Variants in RAB20 observed in about 807,000 individuals in gnomAD.
The protein encoded by RAB20 is RAB20, member RAS oncogene family.
A neutral mutation model predicts 3.7 loss-of-function variants in RAB20; 2 were observed. That is an observed-to-expected ratio of 0.54 (90% CI 0.22 to 1.69). RAB20 has a LOEUF of 1.69. RAB20 is among the 40% of genes most tolerant of loss of function. The pLI is 0.19. For missense variants in RAB20, 276 were observed against 311.9 expected (o/e 0.88, Z 0.87); for synonymous variants, 126 against 130.8 (o/e 0.96, Z 0.25).
At chr13:110,525,857 G>A (rs768389568) in intron 1 of RAB20, among the ~76,000 whole-genome samples, 31 of 152,242 alleles carry the variant, frequency 2.0e-4, no homozygotes, top group Non-Finnish European at 4.3e-4. Flanking sequence ...CTCGAGGACC[G>A]AGCAGGCTGT....
chr13:110,540,696 C>A (rs1481718822), intron 1 of RAB20, among the ~76,000 whole-genome samples: 1 of 150,348 alleles, frequency 6.7e-6, no homozygotes, highest in African/African-American at 2.5e-5. Context: ...GAGCTGCGAT[C>A]GCGCCATTGC....
rs545854094 is a variant in RAB20 at position 110,558,293 on chromosome 13, G to T, written c.172+3055C>A. ...TAGACAAGGGCTGGGAGTGGCAAGT[G>T]CCCCCTAAAAGGGCATAATGAGACA... is the stretch of plus-strand genomic sequence containing the variant. On this transcript the variant is annotated intron_variant, in intron 1 of 1. Transcript: ENST00000267328. Among the ~76,000 whole-genome samples the T allele has an allele frequency of 3.9e-5, 6 of 151,908 alleles. No individual in the cohort carries two copies. In the East Asian group the frequency reaches 5.8e-4, roughly 15 times the overall value.
intron 1 of RAB20, among the ~76,000 whole-genome samples, chr13:110,558,694 G>GTTTTTTTTTTT (rs67548367): frequency 2.0e-5 from 1 of 50,892 alleles, no homozygotes; most frequent in African/African-American, 6.3e-5. Flanking sequence ...CTTCCCATCT[G>GTTTTTTTTTTT]TTTTTTTTTT....
intron 1 of RAB20, among the ~76,000 whole-genome samples, chr13:110,535,839 T>C (rs1884630698): frequency 6.6e-6 from 1 of 152,208 alleles, no homozygotes; most frequent in African/African-American, 2.4e-5. Flanking sequence ...TTCATTTCTC[T>C]CCTTGAAGGT....
At chr13:110,532,849 C>A (rs1884568482) in intron 1 of RAB20, among the ~76,000 whole-genome samples, 1 of 152,062 alleles carries the variant, frequency 6.6e-6, no homozygotes, top group African/African-American at 2.4e-5. Context: ...CAGCTAATTT[C>A]TTTTATGTTT....
intron 1 of RAB20, among the ~76,000 whole-genome samples, chr13:110,540,247 A>G (rs1313888519): frequency 6.6e-6 from 1 of 152,248 alleles, no homozygotes; most frequent in Non-Finnish European, 1.5e-5. Context: ...ATGTAATCCA[A>G]TCTCCTTTAC....
In RAB20 at chr13:110,524,148, G is replaced by A. The variant is rs748971959; in HGVS notation, c.222C>T (p.Ala74=). Residue 74 remains alanine, a synonymous_variant, in exon 2 of 2, where the codon GCC becomes GCT. Coordinates refer to ENST00000267328, the MANE Select transcript of RAB20 (RefSeq NM_017817.3). ...TCACATCATAGGTGAGGATGATGGC[G>A]GCCGCCCCCCGGCAGTACATGGAGC... The part of the protein sequence containing the change: ...GLGSMYCRGA[A]AIILTYDVNH... 30 of 1,607,770 alleles carry A rather than the reference G, an allele frequency of 1.9e-5. No homozygotes were observed. The highest frequency in any genetic ancestry group is 1.7e-4 in the Middle Eastern group (1 of 6,050).
intron 1 of RAB20, among the ~76,000 whole-genome samples, chr13:110,554,878 A>G (rs1023431981): frequency 6.6e-5 from 10 of 152,122 alleles, no homozygotes; most frequent in African/African-American, 2.4e-4. Context: ...TCGGCTTGGG[A>G]GGGAGGGACC....
chr13:110,540,754 A>T (rs1239070245), intron 1 of RAB20, among the ~76,000 whole-genome samples: 1 of 151,010 alleles, frequency 6.6e-6, no homozygotes, highest in African/African-American at 2.4e-5. Flanking sequence ...AAAAAAAAAA[A>T]AAAGTTAAAA....
chr13:110,549,213 G>C (rs915937179), intron 1 of RAB20, among the ~76,000 whole-genome samples: 1 of 152,244 alleles, frequency 6.6e-6, no homozygotes. Flanking sequence ...TTTGCTTGGA[G>C]CTACAAGCTT....
chr13:110,523,655 C>A lies in RAB20; in HGVS notation c.*10G>T. ...ACATGCACAGTCTGAGTCCAGGAGG[C>A]CCTCGAAAGTCAGGCACAACACCCA... On this transcript the variant is annotated 3_prime_UTR_variant, in exon 2 of 2. Coordinates refer to ENST00000267328, the MANE Select transcript of RAB20 (RefSeq NM_017817.3). 1.2e-6 allele frequency: 2 copies of A among 1,610,158 alleles called. No individual in the cohort carries two copies. Among genetic ancestry groups the A allele is most frequent in the South Asian group, 1.1e-5 (1 of 90,818 alleles).
intron 1 of RAB20, 88 bp from the exon 2 acceptor site, chr13:110,524,285 G>A: frequency 6.8e-7 from 1 of 1,477,236 alleles, no homozygotes; most frequent in Non-Finnish European, 8.9e-7. Flanking sequence ...GTCCCACAGG[G>A]ATGTTTATTT....
At position 110,561,270 on chromosome 13, in the gene RAB20, G is replaced by A. The variant is rs1208921862; in HGVS notation, c.172+78C>T. The A allele has an allele frequency of 4.8e-6, 7 of 1,444,594 alleles. No individual in the cohort carries two copies. The African/African-American group carries it at 9.0e-5, about 18-fold the overall frequency. The allele number at this position is 1,444,594 out of a possible 1,614,324, so 89.5% of individuals were successfully genotyped here. On this transcript the variant is annotated intron_variant, in intron 1 of 1. Coordinates refer to ENST00000267328, the MANE Select transcript of RAB20 (RefSeq NM_017817.3). ...AGGCCGGGACCCTGTGCGCGGCCGG[G>A]TGCCCTGCTGGAAGCCCCGCGCCCC...
chr13:110,561,682 G>T lies in RAB20; in HGVS notation c.-163C>A. ...CCGGACGCCCGGGAGCTCAAGAGAGGAAGCGCGTGTGCGCGCCCGGGAAGG... is the reference window on the plus strand; with the variant it reads ...CCGGACGCCCGGGAGCTCAAGAGAGTAAGCGCGTGTGCGCGCCCGGGAAGG... On this transcript the variant is annotated 5_prime_UTR_variant, in exon 1 of 2. Coordinates refer to ENST00000267328, the MANE Select transcript of RAB20 (RefSeq NM_017817.3). The T allele has an allele frequency of 8.0e-7, 1 of 1,255,694 alleles. No individual in the cohort carries two copies. The highest frequency in any genetic ancestry group is 2.1e-5 in the South Asian group (1 of 47,254). 77.8% of individuals were successfully genotyped at this position (1,255,694 alleles called of 1,614,324 possible).
At chr13:110,528,182 C>T (rs1320562138) in intron 1 of RAB20, among the ~76,000 whole-genome samples, 1 of 151,890 alleles carries the variant, frequency 6.6e-6, no homozygotes, top group Admixed American at 6.6e-5. Flanking sequence ...TTTGGGACGC[C>T]GGGGTGGGCG....
At chr13:110,550,712 T>C (rs565393492) in intron 1 of RAB20, among the ~76,000 whole-genome samples, 13 of 152,260 alleles carry the variant, frequency 8.5e-5, no homozygotes, top group African/African-American at 2.9e-4. Flanking sequence ...GCCTTCTCCT[T>C]GCCACCTTCC....
chr13:110,544,209 T>C (rs1476321967), intron 1 of RAB20, among the ~76,000 whole-genome samples: 1 of 152,134 alleles, frequency 6.6e-6, no homozygotes, highest in Non-Finnish European at 1.5e-5. Flanking sequence ...ACAGTAAACG[T>C]GTGGATTTGT....
chr13:110,544,182 T>C (rs1303874361), intron 1 of RAB20, among the ~76,000 whole-genome samples: 3 of 152,218 alleles, frequency 2.0e-5, no homozygotes, highest in Non-Finnish European at 4.4e-5. Context: ...CTTGGCATCT[T>C]TGTCAAAGAT....
At chr13:110,550,509 C>A (rs1432685793) in intron 1 of RAB20, among the ~76,000 whole-genome samples, 1 of 152,096 alleles carries the variant, frequency 6.6e-6, no homozygotes, top group Non-Finnish European at 1.5e-5. Flanking sequence ...ACGCTACCTC[C>A]GGGTAGATAG....
Sources: gnomAD v4.1 joint callset for allele counts (sites outside exome capture counted in the v4.1 genomes callset) on GRCh38, gnomAD v4.1.1 for gene constraint, MANE v1.5 for transcripts, NCBI Gene and HGNC (gene_info 2026-07-23, HGNC 2026-07-21) for gene names.